The following CDH12 variants were observed in gnomAD, a reference collection of about 807,000 sequenced individuals.
The protein encoded by CDH12 is cadherin 12, also known as cadherin-12.
In CDH12, 41 loss-of-function variants were observed where a neutral mutation model predicts 74.1. That is an observed-to-expected ratio of 0.55 (90% CI 0.43 to 0.72). CDH12 has a LOEUF of 0.72. Ranked by LOEUF, CDH12 falls within the 30% of genes least tolerant of loss-of-function variation. The pLI, the probability that CDH12 is intolerant of heterozygous loss-of-function variation, is 0.00. For synonymous variants in CDH12, 399 were observed against 355.0 expected, an observed-to-expected ratio of 1.12 and a Z score of -1.39; for missense variants, 945 against 977.2, an observed-to-expected ratio of 0.97 and a Z score of 0.44.
chr5:22,331,771 G>T (rs1052436047), intron 3 of CDH12, among the ~76,000 whole-genome samples: 8 of 152,072 alleles, frequency 5.3e-5, no homozygotes, highest in African/African-American at 9.7e-5. Context: ...ATAACACAGA[G>T]AAGTAATTCA....
chr5:22,334,777 G>A (rs1378772740), intron 3 of CDH12, among the ~76,000 whole-genome samples: 1 of 152,056 alleles, frequency 6.6e-6, no homozygotes, highest in African/African-American at 2.4e-5. Context: ...TAAATGGTGA[G>A]GGGAAAACTG....
chr5:22,337,781 A>C (rs895460717), intron 3 of CDH12, among the ~76,000 whole-genome samples: 1 of 152,226 alleles, frequency 6.6e-6, no homozygotes, highest in African/African-American at 2.4e-5. Flanking sequence ...CATTTCTCAA[A>C]AGAACATATA....
rs573201332 is a variant in CDH12 at position 22,615,329 on chromosome 5, T to C, written c.-522-109965A>G. On this transcript the variant is annotated intron_variant, in intron 1 of 14. Transcript: ENST00000382254. ...CATTATTACTCACTGAAATAATATA[T>C]TTTTTATTCTTTCCTTCTGTTAGGC... 1.1e-4 allele frequency among the ~76,000 whole-genome samples: 16 copies of C among 152,244 alleles called. No individual in the cohort carries two copies. The East Asian group carries it at 2.9e-3, about 28-fold the overall frequency.
At position 21,816,624 on chromosome 5, in the gene CDH12, CAAAAAAAAA is replaced by C. The variant is rs542222336; in HGVS notation, c.1002+312_1002+320del. On this transcript the variant is annotated intron_variant, in intron 9 of 14. Transcript: ENST00000382254. ...TGGGTAACAGAGTGCAACTCCATCTCAAAAAAAAAAAAAAAAAAAAAAAAAAAAAGAATA... is the reference window on the plus strand; with the variant it reads ...TGGGTAACAGAGTGCAACTCCATCTCAAAAAAAAAAAAAAAAAAAAGAATA... Among the ~76,000 whole-genome samples, 26 of 17,956 alleles carry C rather than the reference CAAAAAAAAA, an allele frequency of 1.4e-3. 1 individual carries two copies. The South Asian group carries it at 0.026, about 18-fold the overall frequency. 11.8% of individuals were successfully genotyped at this position (17,956 alleles called of 152,430 possible).
chr5:22,647,728 G>A (rs1310890562), intron 1 of CDH12, among the ~76,000 whole-genome samples: 1 of 151,714 alleles, frequency 6.6e-6, no homozygotes, highest in Non-Finnish European at 1.5e-5. Flanking sequence ...ATGAATTTTA[G>A]GGGACACAAT....
intron 5 of CDH12, among the ~76,000 whole-genome samples, chr5:22,009,657 A>G (rs1216968847): frequency 6.6e-6 from 1 of 152,176 alleles, no homozygotes; most frequent in African/African-American, 2.4e-5. Context: ...TGACATTTTT[A>G]TTTTTAATGT....
chr5:22,133,499 CAT>C (rs1448596356), intron 4 of CDH12, among the ~76,000 whole-genome samples: 2 of 152,040 alleles, frequency 1.3e-5, no homozygotes, highest in Non-Finnish European at 2.9e-5. Context: ...AACTTAGACT[CAT>C]ATTTGTAATT....
At chr5:21,959,642 G>A (rs1167672391) in intron 6 of CDH12, among the ~76,000 whole-genome samples, 1 of 151,446 alleles carries the variant, frequency 6.6e-6, no homozygotes, top group Admixed American at 6.6e-5. Context: ...GGGAGTGGTG[G>A]CTCACACCTG....
At chr5:22,517,776 G>A (rs1377704592) in intron 1 of CDH12, among the ~76,000 whole-genome samples, 4 of 151,992 alleles carry the variant, frequency 2.6e-5, no homozygotes, top group Non-Finnish European at 5.9e-5. Context: ...TTACTTCCTT[G>A]TCTCTATTCT....
intron 6 of CDH12, among the ~76,000 whole-genome samples, chr5:21,864,559 T>TTC (rs1309639608): frequency 6.6e-6 from 1 of 152,166 alleles, no homozygotes; most frequent in Non-Finnish European, 1.5e-5. Flanking sequence ...TCAAATGAAT[T>TTC]TCTCTTCATG....
At chr5:22,434,673 A>G (rs1304689856) in intron 2 of CDH12, among the ~76,000 whole-genome samples, 1 of 152,146 alleles carries the variant, frequency 6.6e-6, no homozygotes. Context: ...CGTCATTTTA[A>G]TGCAGGGGCT....
chr5:22,521,651 T>G (rs1327409288), intron 1 of CDH12, among the ~76,000 whole-genome samples: 1 of 152,224 alleles, frequency 6.6e-6, no homozygotes, highest in African/African-American at 2.4e-5. Context: ...AGCCAGCTTT[T>G]CTGTAAGGAG....
chr5:22,390,628 G>T (rs1465687576), intron 3 of CDH12, among the ~76,000 whole-genome samples: 4 of 148,062 alleles, frequency 2.7e-5, no homozygotes, highest in African/African-American at 1.0e-4. Flanking sequence ...ATAGATGATA[G>T]AATATTTTTA....
intron 6 of CDH12, among the ~76,000 whole-genome samples, chr5:21,885,945 C>A (rs1279185681): frequency 2.0e-5 from 3 of 152,130 alleles, no homozygotes; most frequent in East Asian, 3.9e-4. Flanking sequence ...GAAAAGAAGA[C>A]CCCAGCATAT....
At chr5:22,815,880 G>C (rs1441306807) in intron 1 of CDH12, among the ~76,000 whole-genome samples, 1 of 151,806 alleles carries the variant, frequency 6.6e-6, no homozygotes, top group African/African-American at 2.4e-5. Flanking sequence ...ACTTGAAAGA[G>C]AAAGAAGAAA....
chr5:22,255,187 G>C (rs1270136595), intron 3 of CDH12, among the ~76,000 whole-genome samples: 1 of 151,658 alleles, frequency 6.6e-6, no homozygotes, highest in African/African-American at 2.4e-5. Flanking sequence ...TTATTCATTA[G>C]CTAGGTCTAA....
chr5:22,779,975 A>G (rs1747305388), intron 1 of CDH12, among the ~76,000 whole-genome samples: 1 of 152,218 alleles, frequency 6.6e-6, no homozygotes, highest in Admixed American at 6.5e-5. Flanking sequence ...TTTTAAATAA[A>G]TTATGTATAA....
rs538827693 is a variant in CDH12 at position 22,621,830 on chromosome 5, T to A, written c.-522-116466A>T. Among the ~76,000 whole-genome samples, 4 of 151,706 alleles carry A rather than the reference T, an allele frequency of 2.6e-5. No homozygotes were observed. In the East Asian group the frequency reaches 7.7e-4, roughly 29 times the overall value. On this transcript the variant is annotated intron_variant, in intron 1 of 14. Coordinates refer to ENST00000382254, the MANE Select transcript of CDH12 (RefSeq NM_004061.5). Reference sequence around the variant, plus strand: ...TGTGAATGATTCTATAGCTGGTAAATAAAAAAAATCGATAATTCAGTGCCA... The same window carrying A: ...TGTGAATGATTCTATAGCTGGTAAAAAAAAAAAATCGATAATTCAGTGCCA...
chr5:22,074,876 T>A lies in CDH12; in HGVS notation c.231+3570A>T, dbSNP rs569883625. The stretch of plus-strand genomic sequence containing the variant: ...CACTGTTGGTGGGACTGTAAACTAG[T>A]TCAACCATTGTGGAAGTCAGTGTGG... On this transcript the variant is annotated intron_variant, in intron 5 of 14. Transcript: ENST00000382254. Among the ~76,000 whole-genome samples the A allele has an allele frequency of 3.3e-5, 5 of 152,174 alleles. No individual in the cohort carries two copies. In the South Asian group the frequency reaches 8.3e-4, roughly 25 times the overall value.
Sources: gnomAD v4.1 joint callset for allele counts (sites outside exome capture counted in the v4.1 genomes callset) on GRCh38, gnomAD v4.1.1 for gene constraint, MANE v1.5 for transcripts, NCBI Gene and HGNC (gene_info 2026-07-23, HGNC 2026-07-21) for gene names.